The following PPFIA2 variants were observed in gnomAD, a reference collection of about 807,000 sequenced individuals.
PPFIA2 encodes PPFI scaffold protein A2, also known as liprin-alpha-2.
In PPFIA2, 46 loss-of-function variants were observed where a neutral mutation model predicts 175.5. The observed-to-expected ratio is 0.26, with a 90% CI of 0.21 to 0.34. The LOEUF (loss-of-function observed/expected upper bound fraction) is 0.34. Among genes scored for constraint, PPFIA2 ranks in the 10% least tolerant of loss-of-function variants. The pLI, the probability that PPFIA2 is intolerant of heterozygous loss-of-function variation, is 1.00. For synonymous variants in PPFIA2, 568 were observed against 511.4 expected (o/e 1.11, Z -1.49); for missense variants, 1,179 against 1,506.1 (o/e 0.78, Z 3.60).
At position 81,449,502 on chromosome 12, in the gene PPFIA2, C is replaced by CA. The variant is rs201271599; in HGVS notation, c.406-3783dup. On this transcript the variant is annotated intron_variant, in intron 5 of 32. Coordinates refer to ENST00000549396, the MANE Select transcript of PPFIA2 (RefSeq NM_003625.5). Reference sequence around the variant, plus strand: ...ATTACTTCAGACAAAAAAAAAAAAACAAAAAAAAATCTGATTTTACAGTGA... The same window carrying CA: ...ATTACTTCAGACAAAAAAAAAAAAACAAAAAAAAAATCTGATTTTACAGTGA... Among the ~76,000 whole-genome samples the CA allele has an allele frequency of 2.5e-3, 355 of 141,976 alleles. 2 individuals are homozygous for CA. The highest frequency in any genetic ancestry group is 8.3e-3 in the African/African-American group (323 of 38,796). 93.1% of individuals were successfully genotyped at this position (141,976 alleles called of 152,430 possible).
At chr12:81,494,952 G>A (rs1425399876) in intron 4 of PPFIA2, among the ~76,000 whole-genome samples, 3 of 112,490 alleles carry the variant, frequency 2.7e-5, no homozygotes, top group Non-Finnish European at 5.3e-5. Context: ...TGTGGGGTGG[G>A]GGGAGGGGGG....
chr12:81,724,443 C>T (rs2079765360), intron 3 of PPFIA2, among the ~76,000 whole-genome samples: 2 of 150,884 alleles, frequency 1.3e-5, no homozygotes, highest in South Asian at 4.2e-4. Flanking sequence ...GCACATTGTA[C>T]CCATTAGGTA....
intron 4 of PPFIA2, among the ~76,000 whole-genome samples, chr12:81,608,322 G>A (rs2060538969): frequency 6.6e-6 from 1 of 152,030 alleles, no homozygotes; most frequent in Non-Finnish European, 1.5e-5. Context: ...ATGAGTTAGG[G>A]AGGAGTCCCT....
intron 4 of PPFIA2, among the ~76,000 whole-genome samples, chr12:81,460,067 C>A (rs1474215363): frequency 6.6e-6 from 1 of 151,908 alleles, no homozygotes; most frequent in Non-Finnish European, 1.5e-5. Flanking sequence ...TTAGAGGTAC[C>A]CTTTTTCCTT....
intron 11 of PPFIA2, among the ~76,000 whole-genome samples, chr12:81,370,533 T>G (rs1376445623): frequency 6.6e-6 from 1 of 151,890 alleles, no homozygotes; most frequent in Non-Finnish European, 1.5e-5. Context: ...GAAATCTTGT[T>G]TGTGACTCTC....
At chr12:81,573,149 C>A (rs1019239351) in intron 4 of PPFIA2, among the ~76,000 whole-genome samples, 1 of 151,802 alleles carries the variant, frequency 6.6e-6, no homozygotes, top group Non-Finnish European at 1.5e-5. Flanking sequence ...ATTTTCAGAG[C>A]GTGTTGCAGA....
At chr12:81,683,466 T>C (rs1368331824) in intron 3 of PPFIA2, among the ~76,000 whole-genome samples, 1 of 152,032 alleles carries the variant, frequency 6.6e-6, no homozygotes, top group East Asian at 1.9e-4. Flanking sequence ...TTAGATCACA[T>C]TGCTGTCTTG....
intron 30 of PPFIA2, among the ~76,000 whole-genome samples, chr12:81,263,640 A>T (rs1276878330): frequency 2.0e-5 from 3 of 152,212 alleles, no homozygotes; most frequent in Non-Finnish European, 4.4e-5. Context: ...CTATACAGTA[A>T]ATATCCTTGA....
In PPFIA2 at chr12:81,583,325, A is replaced by G. The variant is rs2074696472; in HGVS notation, c.303+93466T>C. On this transcript the variant is annotated intron_variant, in intron 4 of 32. Coordinates refer to ENST00000549396, the MANE Select transcript of PPFIA2 (RefSeq NM_003625.5). Reference sequence around the variant, plus strand: ...TTCAAAATGCTTTCTATCAAGTTTTATTACGTCTCTTTACCCATCTTCTCT... The same window carrying G: ...TTCAAAATGCTTTCTATCAAGTTTTGTTACGTCTCTTTACCCATCTTCTCT... 2.0e-5 allele frequency among the ~76,000 whole-genome samples: 3 copies of G among 151,770 alleles called. No individual in the cohort carries two copies. In the South Asian group the frequency reaches 6.2e-4, roughly 31 times the overall value.
At chr12:81,594,860 C>T (rs1224316042) in intron 4 of PPFIA2, among the ~76,000 whole-genome samples, 1 of 152,064 alleles carries the variant, frequency 6.6e-6, no homozygotes, top group Non-Finnish European at 1.5e-5. Context: ...CTGCAGTGAG[C>T]TTTTATTGGG....
At position 81,754,156 on chromosome 12, in the gene PPFIA2, G is replaced by A. The variant is rs777911116; in HGVS notation, c.66C>T (p.Ser22=). 6.8e-6 allele frequency: 11 copies of A among 1,612,908 alleles called. No homozygotes were observed. Among genetic ancestry groups the A allele is most frequent in the Admixed American group, 5.0e-5 (3 of 59,898 alleles). ...DTPMSQRGSQ[S]SGSDSDSHFE... is the part of the protein sequence containing the mutation. The stretch of plus-strand genomic sequence containing the variant: ...AATGGGAGTCTGAGTCCGAGCCACT[G>A]CTTTGGGACCCCCTTTGGCTCATTG... The change falls in exon 3 of 33, where the codon AGC becomes AGT. Residue 22 remains serine (S), a synonymous_variant. Coordinates refer to ENST00000549396, the MANE Select transcript of PPFIA2 (RefSeq NM_003625.5).
chr12:81,753,288 T>C (rs1049204039), intron 3 of PPFIA2, among the ~76,000 whole-genome samples: 1 of 151,580 alleles, frequency 6.6e-6, no homozygotes, highest in Non-Finnish European at 1.5e-5. Flanking sequence ...TGTATATAAA[T>C]AGGCTGGCAG....
At chr12:81,734,324 A>AT (rs1376286507) in intron 3 of PPFIA2, among the ~76,000 whole-genome samples, 1 of 151,854 alleles carries the variant, frequency 6.6e-6, no homozygotes, top group Non-Finnish European at 1.5e-5. Flanking sequence ...GAGAGATTAC[A>AT]TTGCATTTGC....
intron 4 of PPFIA2, among the ~76,000 whole-genome samples, chr12:81,586,969 A>G (rs2075383830): frequency 6.6e-6 from 1 of 152,020 alleles, no homozygotes; most frequent in Non-Finnish European, 1.5e-5. Context: ...ACAAGATTCC[A>G]TATATATTCC....
At chr12:81,684,220 G>C (rs567047860) in intron 3 of PPFIA2, among the ~76,000 whole-genome samples, 2 of 152,046 alleles carry the variant, frequency 1.3e-5, no homozygotes, top group Non-Finnish European at 2.9e-5. Flanking sequence ...ATCAGTCAAG[G>C]TTCCACCTGA....
chr12:81,438,318 A>C (rs2049476070), intron 7 of PPFIA2, among the ~76,000 whole-genome samples: 1 of 152,132 alleles, frequency 6.6e-6, no homozygotes, highest in Non-Finnish European at 1.5e-5. Context: ...AAATACAAAA[A>C]TTAGCCAGGG....
At chr12:81,526,405 A>G (rs2063738361) in intron 4 of PPFIA2, among the ~76,000 whole-genome samples, 1 of 152,220 alleles carries the variant, frequency 6.6e-6, no homozygotes, top group African/African-American at 2.4e-5. Context: ...AATTGTGTTT[A>G]ATGACATGAT....
intron 4 of PPFIA2, among the ~76,000 whole-genome samples, chr12:81,664,555 G>A (rs997841136): frequency 1.3e-5 from 2 of 152,084 alleles, no homozygotes; most frequent in Admixed American, 1.3e-4. Flanking sequence ...TGGAGAGGAT[G>A]TGGAGAAATA....
intron 4 of PPFIA2, among the ~76,000 whole-genome samples, chr12:81,510,104 A>G (rs190496338): frequency 6.6e-6 from 1 of 152,114 alleles, no homozygotes; most frequent in Non-Finnish European, 1.5e-5. Context: ...TTCAGAATCC[A>G]AAAAATTAAT....
Sources: gnomAD v4.1 joint callset for allele counts (sites outside exome capture counted in the v4.1 genomes callset) on GRCh38, gnomAD v4.1.1 for gene constraint, MANE v1.5 for transcripts, NCBI Gene and HGNC (gene_info 2026-07-23, HGNC 2026-07-21) for gene names.